Variants in XPR1 observed in about 807,000 individuals in gnomAD.
XPR1 encodes the protein xenotropic and polytropic retrovirus receptor 1, also known as solute carrier family 53 member 1.
In XPR1, 28 loss-of-function variants were observed where a neutral mutation model predicts 87.5. That is an observed-to-expected ratio of 0.32 (90% CI 0.24 to 0.44). The LOEUF (loss-of-function observed/expected upper bound fraction) is 0.44. XPR1 is among the 20% of genes least tolerant of loss of function. The pLI is 1.00. For synonymous variants in XPR1, 300 were observed against 306.1 expected (o/e 0.98, Z 0.21); for missense variants, 559 against 862.3 (o/e 0.65, Z 4.41).
intron 1 of XPR1, among the ~76,000 whole-genome samples, chr1:180,640,277 A>G (rs1431193673): frequency 2.6e-5 from 4 of 152,222 alleles, no homozygotes; most frequent in Non-Finnish European, 2.9e-5. Flanking sequence ...AGTAGTGGCA[A>G]TAACAGCAGC....
intron 7 of XPR1, among the ~76,000 whole-genome samples, chr1:180,813,049 C>T (rs888802777): frequency 1.4e-5 from 2 of 144,322 alleles, no homozygotes; most frequent in African/African-American, 2.6e-5. Context: ...TTCCCCCCCC[C>T]CAATGGAAGT....
At chr1:180,807,155 A>C (rs1317457571) in intron 6 of XPR1, among the ~76,000 whole-genome samples, 26 of 152,166 alleles carry the variant, frequency 1.7e-4, no homozygotes. Flanking sequence ...ACTTGGCCCA[A>C]AAAAGGGTAT....
intron 1 of XPR1, among the ~76,000 whole-genome samples, chr1:180,675,595 C>T (rs1656342692): frequency 6.6e-6 from 1 of 152,086 alleles, no homozygotes; most frequent in Non-Finnish European, 1.5e-5. Flanking sequence ...CAAAGGATTG[C>T]TTTTAATCCT....
At chr1:180,849,840 G>A (rs989213924) in intron 11 of XPR1, among the ~76,000 whole-genome samples, 1 of 152,156 alleles carries the variant, frequency 6.6e-6, no homozygotes, top group Admixed American at 6.5e-5. Context: ...AGCAGAGACA[G>A]TCAAGTGTTA....
intron 2 of XPR1, among the ~76,000 whole-genome samples, chr1:180,769,428 C>T (rs1317736980): frequency 1.5e-5 from 2 of 129,698 alleles, no homozygotes; most frequent in Non-Finnish European, 3.2e-5. Context: ...TCCCCCACTA[C>T]CCTTCCCAGC....
chr1:180,653,479 A>G (rs1381151739), intron 1 of XPR1, among the ~76,000 whole-genome samples: 1 of 152,202 alleles, frequency 6.6e-6, no homozygotes, highest in African/African-American at 2.4e-5. Flanking sequence ...AGAAGCATGG[A>G]TTATAGAATG....
In XPR1 at chr1:180,887,939, T is replaced by C. The variant is rs147016143; in HGVS notation, c.*3873T>C. ...AAGAACAGAAAAAAGTAAAGTAGTA[T>C]TGAGTCATGCAGGTATCAGATTAAC... On this transcript the variant is annotated 3_prime_UTR_variant, in exon 15 of 15. Transcript: ENST00000367590. 1 of 152,244 alleles carries C rather than the reference T, an allele frequency of 6.6e-6. No individual in the cohort carries two copies. Among genetic ancestry groups the C allele is most frequent in the African/African-American group, 2.4e-5 (1 of 41,458 alleles). 9.4% of individuals were successfully genotyped at this position (152,244 alleles called of 1,614,324 possible).
intron 3 of XPR1, among the ~76,000 whole-genome samples, chr1:180,798,166 A>G (rs1056522445): frequency 1.3e-5 from 2 of 152,142 alleles, no homozygotes; most frequent in Non-Finnish European, 1.5e-5. Context: ...TAATAAAAAT[A>G]TATATCTAAT....
chr1:180,777,939 A>G (rs371587510), intron 2 of XPR1, among the ~76,000 whole-genome samples: 20 of 152,212 alleles, frequency 1.3e-4, no homozygotes, highest in African/African-American at 4.8e-4. Context: ...GTGCCTCTCA[A>G]ACTGGTGTTC....
intron 1 of XPR1, among the ~76,000 whole-genome samples, chr1:180,664,266 C>T (rs1212176760): frequency 1.3e-5 from 2 of 152,192 alleles, no homozygotes; most frequent in East Asian, 3.9e-4. Context: ...GCCAGCATGT[C>T]TCAGAGTCTC....
chr1:180,649,151 C>T (rs965533817), intron 1 of XPR1, among the ~76,000 whole-genome samples: 3 of 151,926 alleles, frequency 2.0e-5, no homozygotes, highest in Non-Finnish European at 4.4e-5. Flanking sequence ...GCAGGCCAGG[C>T]GCAGTGGCTC....
At chr1:180,720,145 G>A (rs548055550) in intron 2 of XPR1, among the ~76,000 whole-genome samples, 1 of 152,162 alleles carries the variant, frequency 6.6e-6, no homozygotes, top group East Asian at 1.9e-4. Context: ...TTACGAGATA[G>A]GAGAGGGGAT....
At chr1:180,792,726 C>T (rs2102099567) in intron 3 of XPR1, among the ~76,000 whole-genome samples, 1 of 152,194 alleles carries the variant, frequency 6.6e-6, no homozygotes, top group South Asian at 2.1e-4. Flanking sequence ...TCTCTTCTGT[C>T]ACTAAAAATG....
intron 9 of XPR1, among the ~76,000 whole-genome samples, chr1:180,832,917 A>T (rs943489855): frequency 5.9e-5 from 9 of 152,154 alleles, no homozygotes; most frequent in African/African-American, 2.2e-4. Context: ...TGGCAGTTTG[A>T]TAGGGATAGC....
At chr1:180,755,385 G>A (rs1335208470) in intron 2 of XPR1, among the ~76,000 whole-genome samples, 1 of 152,226 alleles carries the variant, frequency 6.6e-6, no homozygotes, top group Non-Finnish European at 1.5e-5. Context: ...TTTTGTGTTT[G>A]AGAAACACTA....
intron 9 of XPR1, among the ~76,000 whole-genome samples, chr1:180,830,873 A>G (rs1651031752): frequency 6.6e-6 from 1 of 152,212 alleles, no homozygotes; most frequent in Non-Finnish European, 1.5e-5. Flanking sequence ...TCCACAGAAT[A>G]TGTTAGGAAG....
chr1:180,635,445 A>T (rs1278876083), intron 1 of XPR1, among the ~76,000 whole-genome samples: 1 of 152,224 alleles, frequency 6.6e-6, no homozygotes, highest in Non-Finnish European at 1.5e-5. Flanking sequence ...AATATTTTGC[A>T]GAATATTAGC....
At chr1:180,736,806 C>G (rs1489334734) in intron 2 of XPR1, among the ~76,000 whole-genome samples, 2 of 151,976 alleles carry the variant, frequency 1.3e-5, no homozygotes. Flanking sequence ...AGAGATGAGA[C>G]ATTATGTGTT....
intron 9 of XPR1, among the ~76,000 whole-genome samples, chr1:180,833,156 CTGTT>C (rs1268024268): frequency 1.3e-5 from 2 of 152,148 alleles, no homozygotes; most frequent in Non-Finnish European, 2.9e-5. Context: ...ATTTGGCTCT[CTGTT>C]TGTCTGTTAT....
Sources: gnomAD v4.1 joint callset for allele counts (sites outside exome capture counted in the v4.1 genomes callset) on GRCh38, gnomAD v4.1.1 for gene constraint, MANE v1.5 for transcripts, NCBI Gene and HGNC (gene_info 2026-07-23, HGNC 2026-07-21) for gene names.